The following ABCA8 variants were observed in gnomAD, a reference collection of about 807,000 sequenced individuals.
ABCA8 encodes the protein ABC-type organic anion transporter ABCA8.
ABCA8 carries 177 observed loss-of-function variants against 192.3 expected under a neutral mutation model. The observed-to-expected ratio is 0.92, with a 90% CI of 0.81 to 1.04. The LOEUF (loss-of-function observed/expected upper bound fraction) is 1.04. ABCA8 is among the 50% of genes least tolerant of loss of function. The probability of loss-of-function intolerance (pLI) is 0.00; values close to 1 mark genes in which losing one functional copy is unlikely to be tolerated. For missense variants in ABCA8, 1,915 were observed against 1,904.8 expected, an observed-to-expected ratio of 1.01 and a Z score of -0.10; for synonymous variants, 642 against 690.2, an observed-to-expected ratio of 0.93 and a Z score of 1.09.
intron 3 of ABCA8, among the ~76,000 whole-genome samples, chr17:68,941,241 A>G (rs1225560332): frequency 6.6e-6 from 1 of 152,158 alleles, no homozygotes; most frequent in African/African-American, 2.4e-5. Flanking sequence ...TAATAATAAG[A>G]TAGTATCGGA....
At chr17:68,927,650 T>TAA (rs4148018) in intron 10 of ABCA8, among the ~76,000 whole-genome samples, 2 of 145,820 alleles carry the variant, frequency 1.4e-5, no homozygotes, top group African/African-American at 5.0e-5. Context: ...CTAAGAGGTC[T>TAA]AAAAAAAAAA....
At position 68,887,507 on chromosome 17, in the gene ABCA8, C is replaced by G. The variant is rs768737957; in HGVS notation, c.3145-1G>C. ...TCCGTAGCTGGGACCGAGCTCTGTT[C>G]TAATTAGGAGACAGCAAAGATACAA... On this transcript the variant is annotated splice_acceptor_variant, in intron 24 of 39. Transcript: ENST00000586539. LOFTEE classifies it high-confidence loss of function. 6.2e-7 allele frequency: 1 copy of G among 1,602,786 alleles called. No individual in the cohort carries two copies. Among genetic ancestry groups the G allele is most frequent in the Non-Finnish European group, 8.5e-7 (1 of 1,176,558 alleles).
intron 31 of ABCA8, 86 bp downstream of exon 31, chr17:68,881,777 A>G: frequency 2.3e-6 from 2 of 868,344 alleles, no homozygotes; most frequent in Non-Finnish European, 3.8e-6. Flanking sequence ...GTGAACCAAG[A>G]GGTGGTTTCC....
chr17:68,924,395 T>C (rs1175899552), intron 11 of ABCA8, among the ~76,000 whole-genome samples: 1 of 150,588 alleles, frequency 6.6e-6, no homozygotes, highest in Non-Finnish European at 1.5e-5. Context: ...AGTGAATAAC[T>C]GAGACCCAGA....
chr17:68,881,357 C>A (rs2066331225), intron 31 of ABCA8, 146 bp from the exon 32 acceptor site: 1 of 638,192 alleles, frequency 1.6e-6, no homozygotes, highest in Non-Finnish European at 2.7e-6. Flanking sequence ...TTATTTTAGC[C>A]CCTTCTTATG....
At chr17:68,889,480 C>T (rs997134948) in intron 24 of ABCA8, among the ~76,000 whole-genome samples, 1 of 152,166 alleles carries the variant, frequency 6.6e-6, no homozygotes, top group Non-Finnish European at 1.5e-5. Flanking sequence ...TTCTCTTTAT[C>T]TTTTCAAGTT....
chr17:68,882,403 T>G (rs1318767261), intron 30 of ABCA8, among the ~76,000 whole-genome samples, 196 bp downstream of exon 30: 2 of 152,212 alleles, frequency 1.3e-5, no homozygotes, highest in East Asian at 3.8e-4. Flanking sequence ...CTTTAATAAT[T>G]TCTATTGCAC....
Position 68,883,890 on chromosome 17 carries a change from TAA to T in ABCA8, c.3616-10_3616-9del. On this transcript the variant is annotated splice_polypyrimidine_tract_variant and intron_variant, in intron 28 of 39. Transcript: ENST00000586539. ...GATAAAATGAAGGAAAGGCTAGGAATAAAGAGAGATGCACAATTAGAAACATA... is the reference window on the plus strand; with the variant it reads ...GATAAAATGAAGGAAAGGCTAGGAATAGAGAGATGCACAATTAGAAACATA... The T allele has an allele frequency of 6.8e-7, 1 of 1,468,492 alleles. No individual in the cohort carries two copies. The allele number at this position is 1,468,492 out of a possible 1,614,324, so 91.0% of individuals were successfully genotyped here.
At chr17:68,907,601 T>C in intron 18 of ABCA8, 139 bp downstream of exon 18, 1 of 742,922 alleles carries the variant, frequency 1.3e-6, no homozygotes, top group Admixed American at 3.9e-5. Context: ...ATAATTCAGT[T>C]ATTGTACTAT....
At position 68,868,061 on chromosome 17, in the gene ABCA8, A is replaced by G. The variant is rs181999401; in HGVS notation, c.*24T>C. 1 of 1,558,564 alleles carries G rather than the reference A, an allele frequency of 6.4e-7. No individual in the cohort carries two copies. The highest frequency in any genetic ancestry group is 2.2e-5 in the East Asian group (1 of 44,596). ...GTATTTAAAAAAAACCACGGGTTTA[A>G]ACAGGAACACAGAATTTGGGGTTTT... is the stretch of plus-strand genomic sequence containing the variant. On this transcript the variant is annotated 3_prime_UTR_variant, in exon 40 of 40. Transcript: ENST00000586539.
At chr17:68,902,981 A>T in intron 20 of ABCA8, 102 bp from the exon 21 acceptor site, 5 of 1,021,756 alleles carry the variant, frequency 4.9e-6, no homozygotes, top group Middle Eastern at 6.1e-4. Context: ...TATAAAAATT[A>T]AACACAATTA....
chr17:68,933,212 C>T lies in ABCA8; in HGVS notation c.526G>A (p.Gly176Ser), dbSNP rs746295322. The change falls in exon 6 of 40, where the codon GGT (glycine) becomes AGT (serine). Residue 176 changes from glycine to serine, a missense_variant. Physicochemically the swap from Gly to Ser is moderately conservative, Grantham distance 56. Transcript: ENST00000586539. ...ATGGCAGCTTGAAGAGCCACAAAAC[C>T]TTCCTTCCAAAATACTGAAACTTCA... ...YCEVSVFWKE[G>S]FVALQAAINA... is the part of the protein sequence containing the mutation. The T allele has an allele frequency of 1.4e-5, 23 of 1,613,202 alleles. No homozygotes were observed. Among genetic ancestry groups the T allele is most frequent in the African/African-American group, 1.3e-5 (1 of 74,894 alleles).
chr17:68,932,444 A>G lies in ABCA8; in HGVS notation c.641T>C (p.Phe214Ser), dbSNP rs577591331. 32 of 1,614,096 alleles carry G rather than the reference A, an allele frequency of 2.0e-5. No homozygotes were observed. The African/African-American group carries it at 4.1e-4, about 21-fold the overall frequency. The change falls in exon 7 of 40, where the codon TTC (phenylalanine) becomes TCC (serine). Residue 214 changes from phenylalanine (F) to serine (S), a missense_variant. Coordinates refer to ENST00000586539, the MANE Select transcript of ABCA8 (RefSeq NM_001288985.2). The part of the protein sequence containing the change: ...VTGKNMKMHS[F>S]IGQSGVITDL... ...AGTTATAACTCCTGATTGACCAATG[A>G]AGGAATGCATCTTCATATTTTTTCC...
chr17:68,873,636 A>C (rs993615617), intron 37 of ABCA8, among the ~76,000 whole-genome samples: 3 of 152,194 alleles, frequency 2.0e-5, no homozygotes, highest in African/African-American at 7.2e-5. Flanking sequence ...GACCAATGTC[A>C]TGAAGCTTTC....
intron 17 of ABCA8, among the ~76,000 whole-genome samples, chr17:68,910,436 C>G (rs1276402731): frequency 6.6e-6 from 1 of 152,120 alleles, no homozygotes; most frequent in African/African-American, 2.4e-5. Flanking sequence ...TTTAGACCAG[C>G]CTTAGCCAGA....
chr17:68,931,055 G>A (rs2067857069), intron 7 of ABCA8, among the ~76,000 whole-genome samples: 1 of 152,044 alleles, frequency 6.6e-6, no homozygotes, highest in African/African-American at 2.4e-5. Context: ...ATTCCCTCAG[G>A]CACACCAAGC....
chr17:68,932,702 C>T (rs1036374613), intron 6 of ABCA8, among the ~76,000 whole-genome samples, 188 bp from the exon 7 acceptor site: 3 of 152,148 alleles, frequency 2.0e-5, no homozygotes, highest in African/African-American at 7.2e-5. Context: ...AGTTACTCAC[C>T]ACTCTCAGAA....
intron 24 of ABCA8, among the ~76,000 whole-genome samples, chr17:68,887,780 T>C (rs915907579): frequency 6.6e-6 from 1 of 150,506 alleles, no homozygotes; most frequent in African/African-American, 2.5e-5. Flanking sequence ...AACAGTGATT[T>C]AATGACTTAC....
chr17:68,929,277 TTA>T (rs1488238228), intron 8 of ABCA8, 43 bp from the exon 9 acceptor site: 1 of 1,438,882 alleles, frequency 6.9e-7, no homozygotes, highest in South Asian at 1.5e-5. Flanking sequence ...TTCTCTAACA[TTA>T]TTACTAGCAT....
Sources: allele counts gnomAD v4.1 joint callset (sites outside exome capture counted in the v4.1 genomes callset), GRCh38; gene constraint gnomAD v4.1.1; transcripts MANE v1.5; gene names NCBI Gene and HGNC (gene_info 2026-07-23, HGNC 2026-07-21).